The following CNTN5 variants were observed in gnomAD, a reference collection of about 807,000 sequenced individuals.
The protein encoded by CNTN5 is contactin 5.
In CNTN5, 77 loss-of-function variants were observed where a neutral mutation model predicts 129.1. The observed-to-expected ratio is 0.60, with a 90% CI of 0.50 to 0.72. CNTN5 has a LOEUF of 0.72. Among genes scored for constraint, CNTN5 ranks in the 30% least tolerant of loss-of-function variants. CNTN5 has a pLI of 0.00. For missense variants in CNTN5, 1,478 were observed against 1,328.8 expected (o/e 1.11, Z -1.75); for synonymous variants, 509 against 465.6 (o/e 1.09, Z -1.20).
At chr11:100,063,757 C>A (rs1184042251) in intron 10 of CNTN5, among the ~76,000 whole-genome samples, 1 of 149,334 alleles carries the variant, frequency 6.7e-6, no homozygotes, top group East Asian at 2.0e-4. Flanking sequence ...CATGGCGTTG[C>A]ACTCCTGTGG....
chr11:99,945,193 T>G (rs1425033204), intron 7 of CNTN5, among the ~76,000 whole-genome samples: 1 of 152,060 alleles, frequency 6.6e-6, no homozygotes, highest in Non-Finnish European at 1.5e-5. Flanking sequence ...GCCTGTGACC[T>G]GTATAAAGAG....
At chr11:99,088,396 C>T (rs1866089149) in intron 1 of CNTN5, among the ~76,000 whole-genome samples, 1 of 152,102 alleles carries the variant, frequency 6.6e-6, no homozygotes, top group Non-Finnish European at 1.5e-5. Context: ...TTTCCTTCGG[C>T]CTTGAGATCA....
chr11:99,597,866 G>A (rs1332271217), intron 3 of CNTN5, among the ~76,000 whole-genome samples: 6 of 151,994 alleles, frequency 3.9e-5, no homozygotes, highest in Non-Finnish European at 5.9e-5. Context: ...GTGGGGCCAT[G>A]GAAGTGGCAA....
rs560346704 is a variant in CNTN5, at chr11:99,279,202, C to T, written c.-209-46144C>T. Among the ~76,000 whole-genome samples the T allele has an allele frequency of 2.0e-4, 31 of 151,824 alleles. No homozygotes were observed. The South Asian group carries it at 4.6e-3, about 22-fold the overall frequency. ...CTATTGGACTCACTGCCTCCTCCTT[C>T]GTATTCTTCAACTAGGTGTTTCTAT... On this transcript the variant is annotated intron_variant, in intron 1 of 24. Transcript: ENST00000524871.
At chr11:99,944,486 C>T (rs749346945) in intron 7 of CNTN5, among the ~76,000 whole-genome samples, 5 of 151,976 alleles carry the variant, frequency 3.3e-5, no homozygotes, top group African/African-American at 1.2e-4. Flanking sequence ...CACTTCTATT[C>T]AATGTAGTAT....
chr11:99,058,037 A>G (rs554113582), intron 1 of CNTN5, among the ~76,000 whole-genome samples: 2 of 152,174 alleles, frequency 1.3e-5, no homozygotes, highest in South Asian at 4.1e-4. Context: ...TCCTAGAAAT[A>G]TAGAGGAGGC....
intron 9 of CNTN5, among the ~76,000 whole-genome samples, chr11:100,050,546 A>G (rs996305877): frequency 6.6e-6 from 1 of 152,076 alleles, no homozygotes; most frequent in Non-Finnish European, 1.5e-5. Flanking sequence ...TAATGGGTGC[A>G]GCACACCAGC....
intron 8 of CNTN5, among the ~76,000 whole-genome samples, chr11:99,993,493 G>A (rs529316322): frequency 1.3e-5 from 2 of 152,198 alleles, no homozygotes; most frequent in East Asian, 1.9e-4. Flanking sequence ...CAGAGGGATG[G>A]TTTCAGGATG....
At chr11:100,105,883 A>G (rs902629340) in intron 13 of CNTN5, among the ~76,000 whole-genome samples, 2 of 152,170 alleles carry the variant, frequency 1.3e-5, no homozygotes, top group African/African-American at 4.8e-5. Flanking sequence ...AGTTCTTCAA[A>G]GGGAAACAAC....
chr11:99,243,006 G>C (rs1042268856), intron 1 of CNTN5, among the ~76,000 whole-genome samples: 1 of 152,114 alleles, frequency 6.6e-6, no homozygotes. Context: ...CCCAGTAATG[G>C]GATTCCTGGC....
intron 1 of CNTN5, among the ~76,000 whole-genome samples, chr11:99,235,980 A>C (rs993612046): frequency 2.0e-5 from 3 of 152,234 alleles, no homozygotes; most frequent in African/African-American, 7.2e-5. Flanking sequence ...AAAAATAATA[A>C]TAAAAAATTG....
intron 9 of CNTN5, among the ~76,000 whole-genome samples, chr11:100,051,824 T>A (rs1178585669): frequency 1.3e-5 from 2 of 151,936 alleles, no homozygotes; most frequent in Non-Finnish European, 2.9e-5. Flanking sequence ...CTGACAACAT[T>A]TAATTTTACA....
chr11:99,885,174 G>C (rs978064115), intron 6 of CNTN5, among the ~76,000 whole-genome samples: 1 of 151,978 alleles, frequency 6.6e-6, no homozygotes, highest in African/African-American at 2.4e-5. Flanking sequence ...CCTAGCTACT[G>C]GGGGCGCTCA....
chr11:99,245,008 C>T (rs938937259), intron 1 of CNTN5, among the ~76,000 whole-genome samples: 3 of 152,130 alleles, frequency 2.0e-5, no homozygotes, highest in Non-Finnish European at 4.4e-5. Flanking sequence ...TGAAGTTCTG[C>T]TTTTAACCAA....
intron 21 of CNTN5, among the ~76,000 whole-genome samples, chr11:100,318,699 C>A (rs1031172750): frequency 2.6e-5 from 4 of 152,118 alleles, no homozygotes; most frequent in African/African-American, 9.7e-5. Flanking sequence ...ATACCTTAAG[C>A]ACCTGACAAT....
At chr11:99,107,811 G>T (rs987015551) in intron 1 of CNTN5, among the ~76,000 whole-genome samples, 1 of 151,594 alleles carries the variant, frequency 6.6e-6, no homozygotes, top group African/African-American at 2.4e-5. Context: ...CGCACCTGTA[G>T]CTCCAGCTAC....
intron 13 of CNTN5, among the ~76,000 whole-genome samples, chr11:100,126,922 C>G (rs1471703991): frequency 6.6e-6 from 1 of 151,196 alleles, no homozygotes; most frequent in Non-Finnish European, 1.5e-5. Context: ...AGGTACCACT[C>G]TTTTTTTTCT....
intron 1 of CNTN5, among the ~76,000 whole-genome samples, chr11:99,128,518 G>A (rs1322862906): frequency 1.3e-5 from 2 of 152,196 alleles, no homozygotes; most frequent in Non-Finnish European, 2.9e-5. Context: ...GGCAGGAGGA[G>A]CGGCCAAGGT....
At chr11:99,628,829 C>G (rs1185216618) in intron 3 of CNTN5, among the ~76,000 whole-genome samples, 1 of 151,916 alleles carries the variant, frequency 6.6e-6, no homozygotes, top group East Asian at 1.9e-4. Context: ...TAATGGCCTT[C>G]CCTTATATTT....
Sources: gnomAD v4.1 joint callset for allele counts (sites outside exome capture counted in the v4.1 genomes callset) on GRCh38, gnomAD v4.1.1 for gene constraint, MANE v1.5 for transcripts, NCBI Gene and HGNC (gene_info 2026-07-23, HGNC 2026-07-21) for gene names.